Variants in CFI observed in about 807,000 individuals in gnomAD.
CFI encodes the protein C3B/C4B inactivator.
A neutral mutation model predicts 78.8 loss-of-function variants in CFI; 66 were observed. The observed-to-expected ratio is 0.84, with a 90% confidence interval of 0.69 to 1.03. The LOEUF (loss-of-function observed/expected upper bound fraction) is 1.03, where lower values mean the gene tolerates loss of function less well. Ranked by LOEUF, CFI falls within the 50% of genes least tolerant of loss-of-function variation. CFI has a pLI of 0.00. For synonymous variants in CFI, 250 were observed against 232.6 expected, an observed-to-expected ratio of 1.07 and a Z score of -0.68; for missense variants, 706 against 704.5, an observed-to-expected ratio of 1.00 and a Z score of -0.02.
chr4:109,781,649 A>G (rs1337703374), intron 1 of CFI, among the ~76,000 whole-genome samples: 2 of 152,172 alleles, frequency 1.3e-5, no homozygotes, highest in East Asian at 1.9e-4. Flanking sequence ...ACCCTCCCCA[A>G]TTCATTCTGT....
intron 1 of CFI, among the ~76,000 whole-genome samples, chr4:109,794,635 A>T (rs1196344673): frequency 6.6e-6 from 1 of 152,048 alleles, no homozygotes; most frequent in African/African-American, 2.4e-5. Context: ...TTTACTAAAA[A>T]TACAAAAATT....
Position 109,758,456 on chromosome 4 carries a change from A to C in CFI, c.884-673T>G, listed in dbSNP as rs1367205670. On this transcript the variant is annotated intron_variant, in intron 6 of 12. Coordinates refer to ENST00000394634, the MANE Select transcript of CFI (RefSeq NM_000204.5). The stretch of plus-strand genomic sequence containing the variant: ...ATAGTCTAGAATAGGTACATAAGGA[A>C]TATTTTTCACCATTGGAGGTTATCC... Among the ~76,000 whole-genome samples the C allele has an allele frequency of 3.3e-5, 5 of 152,262 alleles. No individual in the cohort carries two copies. In the East Asian group the frequency reaches 9.7e-4, roughly 30 times the overall value.
chr4:109,793,584 G>A (rs1041376886), intron 1 of CFI: 1 of 152,218 alleles, frequency 6.6e-6, no homozygotes, highest in African/African-American at 2.4e-5. Flanking sequence ...TTTGAATGAA[G>A]TGGTGTAGTC....
chr4:109,776,694 A>T (rs556830616), intron 1 of CFI, among the ~76,000 whole-genome samples: 1 of 152,346 alleles, frequency 6.6e-6, no homozygotes, highest in Non-Finnish European at 1.5e-5. Flanking sequence ...GTTGAAATGA[A>T]GGAAAAAATA....
Position 109,746,339 on chromosome 4 carries a change from CT to C in CFI, c.1311del (p.Asp438ThrfsTer54). 2 of 1,614,144 alleles carry C rather than the reference CT, an allele frequency of 1.2e-6. No homozygotes were observed. Among genetic ancestry groups the C allele is most frequent in the Non-Finnish European group, 1.7e-6 (2 of 1,180,000 alleles). On this transcript the variant is annotated frameshift_variant, in exon 11 of 13. Coordinates refer to ENST00000394634, the MANE Select transcript of CFI (RefSeq NM_000204.5). LOFTEE classifies it high-confidence loss of function. ...AGCTCACAATCTTTTTTGTTTCCGT[CT>C]TTTTTCATTTCAATCAAAGCGATGT... ...QNDIALIEMK[K>X]DGNKKDCELP...
chr4:109,788,878 C>T (rs1000954), intron 1 of CFI, among the ~76,000 whole-genome samples: 35,565 of 151,846 alleles, frequency 0.23, 4,881 homozygotes, highest in Admixed American at 0.36. Flanking sequence ...TCAGAGAAGT[C>T]ATAAAATATG....
At chr4:109,796,665 G>T (rs1205431377) in intron 1 of CFI, among the ~76,000 whole-genome samples, 1 of 152,176 alleles carries the variant, frequency 6.6e-6, no homozygotes, top group Non-Finnish European at 1.5e-5. Context: ...TGGCATGGTA[G>T]TGCACACCTT....
In CFI at chr4:109,766,771, T is replaced by G. The variant is rs1280667820; in HGVS notation, c.111A>C (p.Lys37Asn). The change falls in exon 2 of 13, where the codon AAA becomes AAC. Residue 37 changes from lysine to asparagine, a missense_variant. By Grantham distance (94) the Lys-to-Asn change is moderately conservative. Transcript: ENST00000394634. ...DLVEKKCLAK[K>N]YTHLSCDKVF... Reference sequence around the variant, plus strand: ...CTTTATCGCAGGAGAGGTGAGTATATTTTTTTGCTAAGCACTTTTTCTCCA... The same window carrying G: ...CTTTATCGCAGGAGAGGTGAGTATAGTTTTTTGCTAAGCACTTTTTCTCCA... 4 of 1,613,964 alleles carry G rather than the reference T, an allele frequency of 2.5e-6. No homozygotes were observed. Among genetic ancestry groups the G allele is most frequent in the Non-Finnish European group, 3.4e-6 (4 of 1,179,942 alleles).
rs561970642 is a variant in CFI at position 109,776,402 on chromosome 4, C to T, written c.58-9578G>A. On this transcript the variant is annotated intron_variant, in intron 1 of 12. Transcript: ENST00000394634. The stretch of plus-strand genomic sequence containing the variant: ...TGAAGATCAAATGAATGAAATGAAG[C>T]GAGAAGAGACGTTTAGAGAAAAAAG... Among the ~76,000 whole-genome samples, 62 of 151,984 alleles carry T rather than the reference C, an allele frequency of 4.1e-4. 1 individual carries two copies. The South Asian group carries it at 9.2e-3, about 22-fold the overall frequency.
chr4:109,758,243 G>A (rs1414216876), intron 6 of CFI, among the ~76,000 whole-genome samples: 1 of 150,686 alleles, frequency 6.6e-6, no homozygotes, highest in East Asian at 2.0e-4. Flanking sequence ...GATTACAGGC[G>A]TGAGCCACTG....
At chr4:109,749,725 C>A in intron 8 of CFI, 123 bp from the exon 9 acceptor site, 1 of 678,880 alleles carries the variant, frequency 1.5e-6, no homozygotes, top group Admixed American at 2.3e-5. Context: ...AGGCTGGAAT[C>A]ATTAGTAAAT....
At chr4:109,738,112 C>CTTT (rs141891533), downstream of CFI, among the ~76,000 whole-genome samples, 1 of 130,262 alleles carries the variant, frequency 7.7e-6, no homozygotes, top group Admixed American at 7.8e-5. Context: ...GAGTACTTTT[C>CTTT]TTTTTTTTTT....
chr4:109,759,855 C>T (rs1457006699), intron 6 of CFI, among the ~76,000 whole-genome samples: 5 of 152,164 alleles, frequency 3.3e-5, no homozygotes, highest in Non-Finnish European at 5.9e-5. Flanking sequence ...GATTGTGCCA[C>T]AGCACTCCAG....
rs553989521 is a variant in CFI at position 109,764,135 on chromosome 4, T to C, written c.482+402A>G. The stretch of plus-strand genomic sequence containing the variant: ...AACTATATAGTTTATACTATAACTG[T>C]ATAGTTTATACTCACTGTATAGTTT... On this transcript the variant is annotated intron_variant, in intron 3 of 12. Coordinates refer to ENST00000394634, the MANE Select transcript of CFI (RefSeq NM_000204.5). Among the ~76,000 whole-genome samples, 89 of 151,044 alleles carry C rather than the reference T, an allele frequency of 5.9e-4. 1 individual carries two copies. Among genetic ancestry groups the C allele is most frequent in the African/African-American group, 1.8e-3 (76 of 41,296 alleles).
At chr4:109,798,174 A>T (rs1363052215) in intron 1 of CFI, among the ~76,000 whole-genome samples, 1 of 152,174 alleles carries the variant, frequency 6.6e-6, no homozygotes, top group Non-Finnish European at 1.5e-5. Flanking sequence ...GTTGCCAAGG[A>T]CTGGGTGAGG....
chr4:109,798,965 G>A (rs887851285), intron 1 of CFI, among the ~76,000 whole-genome samples: 5 of 151,832 alleles, frequency 3.3e-5, no homozygotes, highest in African/African-American at 1.2e-4. Context: ...TTGCAGATTG[G>A]TTCTGTCCTG....
intron 1 of CFI, among the ~76,000 whole-genome samples, chr4:109,798,508 G>GTTT (rs35617864): frequency 6.7e-5 from 5 of 74,662 alleles, no homozygotes; most frequent in African/African-American, 8.0e-5. Flanking sequence ...TCAATAAAGT[G>GTTT]TTTTTTTTTT....
downstream of CFI, among the ~76,000 whole-genome samples, chr4:109,737,034 C>T (rs1723411315): frequency 6.6e-6 from 1 of 152,192 alleles, no homozygotes; most frequent in Non-Finnish European, 1.5e-5. Context: ...TTTCACTCAA[C>T]ATATCTAGAG....
chr4:109,775,068 A>G (rs1032108301), intron 1 of CFI, among the ~76,000 whole-genome samples: 2 of 152,144 alleles, frequency 1.3e-5, no homozygotes, highest in South Asian at 2.1e-4. Flanking sequence ...CCAAATAGGA[A>G]CAGCTCCAGT....
Sources: gnomAD v4.1 joint callset for allele counts (sites outside exome capture counted in the v4.1 genomes callset) on GRCh38, gnomAD v4.1.1 for gene constraint, MANE v1.5 for transcripts, NCBI Gene and HGNC (gene_info 2026-07-23, HGNC 2026-07-21) for gene names.